SLC24A3: variants seen among roughly 807,000 people sequenced by gnomAD.
The protein encoded by SLC24A3 is solute carrier family 24 member 3.
A neutral mutation model predicts 75.8 loss-of-function variants in SLC24A3; 28 were observed. The ratio of observed to expected loss-of-function variants is 0.37; its 90% CI spans 0.27 to 0.51. The LOEUF is 0.51. SLC24A3 is among the 20% of genes least tolerant of loss of function. The pLI, the probability that SLC24A3 is intolerant of heterozygous loss-of-function variation, is 0.94. For synonymous variants in SLC24A3, 372 were observed against 334.1 expected, an observed-to-expected ratio of 1.11 and a Z score of -1.24; for missense variants, 663 against 847.8, an observed-to-expected ratio of 0.78 and a Z score of 2.71.
rs564983122 is a variant in SLC24A3 at position 19,273,211 on chromosome 20, C to T, written c.143-7748C>T. Among the ~76,000 whole-genome samples, 5 of 152,268 alleles carry T rather than the reference C, an allele frequency of 3.3e-5. No individual in the cohort carries two copies. The South Asian group carries it at 8.3e-4, about 25-fold the overall frequency. On this transcript the variant is annotated intron_variant, in intron 1 of 16. Transcript: ENST00000328041. ...CATACCTAACCTAGGCCAGTGTGGG[C>T]GAGGCCATGTAGGGGTCGGTGTCAT...
chr20:19,636,139 C>CA, intron 6 of SLC24A3, among the ~76,000 whole-genome samples: 1 of 130,660 alleles, frequency 7.7e-6, no homozygotes, highest in South Asian at 2.2e-4. Context: ...GACTCCATCT[C>CA]AAAAAAAGAA....
intron 2 of SLC24A3, among the ~76,000 whole-genome samples, chr20:19,345,079 G>A (rs1259862529): frequency 6.6e-6 from 1 of 152,168 alleles, no homozygotes; most frequent in Non-Finnish European, 1.5e-5. Flanking sequence ...CCTGTAGAAC[G>A]TCTCAAAGAA....
chr20:19,688,191 A>T (rs1283331681), intron 12 of SLC24A3, among the ~76,000 whole-genome samples: 1 of 152,176 alleles, frequency 6.6e-6, no homozygotes, highest in Non-Finnish European at 1.5e-5. Flanking sequence ...GTGAGGCCCG[A>T]GTCTGCATTG....
chr20:19,278,134 C>T (rs575320930), intron 1 of SLC24A3, among the ~76,000 whole-genome samples: 1 of 152,178 alleles, frequency 6.6e-6, no homozygotes, highest in Non-Finnish European at 1.5e-5. Context: ...CCTTGGACAT[C>T]CATGTGGCAG....
chr20:19,334,468 T>G (rs1238248333), intron 2 of SLC24A3, among the ~76,000 whole-genome samples: 1 of 152,190 alleles, frequency 6.6e-6, no homozygotes, highest in Admixed American at 6.5e-5. Flanking sequence ...GCAACAGACT[T>G]AATTTTTTTC....
At chr20:19,437,757 T>G (rs1049105852) in intron 2 of SLC24A3, among the ~76,000 whole-genome samples, 2 of 152,136 alleles carry the variant, frequency 1.3e-5, no homozygotes, top group Admixed American at 1.3e-4. Flanking sequence ...AGACAGCTGC[T>G]AGGGGTGCCA....
chr20:19,331,508 C>T (rs371144019), intron 2 of SLC24A3, among the ~76,000 whole-genome samples: 25 of 152,232 alleles, frequency 1.6e-4, no homozygotes, highest in African/African-American at 5.3e-4. Context: ...AAACAGAATG[C>T]TAACAAAAAT....
intron 6 of SLC24A3, among the ~76,000 whole-genome samples, chr20:19,588,827 C>T (rs1379952560): frequency 6.6e-6 from 1 of 152,184 alleles, no homozygotes; most frequent in African/African-American, 2.4e-5. Context: ...ATTTAAATGC[C>T]TAACCACAAA....
chr20:19,539,799 A>G (rs1173154069), intron 3 of SLC24A3, among the ~76,000 whole-genome samples: 1 of 152,198 alleles, frequency 6.6e-6, no homozygotes, highest in African/African-American at 2.4e-5. Flanking sequence ...TTGATGAAAA[A>G]TGGGCAGCCA....
At chr20:19,379,901 A>C (rs896625773) in intron 2 of SLC24A3, among the ~76,000 whole-genome samples, 1 of 152,186 alleles carries the variant, frequency 6.6e-6, no homozygotes, top group Non-Finnish European at 1.5e-5. Flanking sequence ...TAAACCTATG[A>C]CCCAGACATA....
intron 2 of SLC24A3, among the ~76,000 whole-genome samples, chr20:19,331,394 A>ATC (rs1984996524): frequency 6.6e-6 from 1 of 152,190 alleles, no homozygotes; most frequent in Non-Finnish European, 1.5e-5. Flanking sequence ...GTAGGTAGAT[A>ATC]GAGTAGATAT....
chr20:19,327,820 C>A (rs6046000), intron 2 of SLC24A3, among the ~76,000 whole-genome samples: 6,139 of 152,250 alleles, frequency 0.04, 498 homozygotes, highest in East Asian at 0.26. Flanking sequence ...TTATTGGACA[C>A]CCACTGTGTG....
At chr20:19,298,629 G>GA (rs200266785) in intron 2 of SLC24A3, among the ~76,000 whole-genome samples, 3,215 of 150,130 alleles carry the variant, frequency 0.021, 45 homozygotes, top group African/African-American at 0.034. Context: ...GAAAGAAAAA[G>GA]AAAAAAAAAT....
intron 2 of SLC24A3, among the ~76,000 whole-genome samples, chr20:19,512,034 C>T (rs544709505): frequency 1.8e-3 from 267 of 152,320 alleles, no homozygotes; most frequent in South Asian, 7.3e-3. Context: ...CAGTGCTGGC[C>T]GCTCCATTCA....
intron 6 of SLC24A3, among the ~76,000 whole-genome samples, chr20:19,585,969 G>A (rs1450628549): frequency 6.6e-6 from 1 of 152,184 alleles, no homozygotes; most frequent in Non-Finnish European, 1.5e-5. Flanking sequence ...AACAAAACAT[G>A]CAGTCATCAC....
At chr20:19,683,530 G>A (rs941968399) in intron 10 of SLC24A3, among the ~76,000 whole-genome samples, 1 of 152,182 alleles carries the variant, frequency 6.6e-6, no homozygotes, top group Admixed American at 6.5e-5. Flanking sequence ...CCCAACACTT[G>A]TCAGCTCTGC....
intron 1 of SLC24A3, among the ~76,000 whole-genome samples, chr20:19,276,279 G>A (rs1039432808): frequency 4.6e-5 from 7 of 152,198 alleles, no homozygotes; most frequent in African/African-American, 1.2e-4. Flanking sequence ...TGAGTTGCAC[G>A]CAGTGGGACT....
intron 6 of SLC24A3, among the ~76,000 whole-genome samples, chr20:19,651,881 A>G (rs995497108): frequency 1.8e-4 from 26 of 142,472 alleles, no homozygotes; most frequent in Middle Eastern, 3.7e-3. Flanking sequence ...AAAAAAATCC[A>G]TGTCCTTAAC....
intron 12 of SLC24A3, among the ~76,000 whole-genome samples, chr20:19,686,820 C>T (rs1208608862): frequency 6.6e-6 from 1 of 152,156 alleles, no homozygotes; most frequent in Non-Finnish European, 1.5e-5. Context: ...TCCCCCAGGT[C>T]CCTTACCTCC....
Sources: gnomAD v4.1 joint callset for allele counts (sites outside exome capture counted in the v4.1 genomes callset) on GRCh38, gnomAD v4.1.1 for gene constraint, MANE v1.5 for transcripts, NCBI Gene and HGNC (gene_info 2026-07-23, HGNC 2026-07-21) for gene names.